Variants in ARL15 observed in about 807,000 individuals in gnomAD.
ARL15 encodes ADP-ribosylation factor-like protein 15.
A neutral mutation model predicts 25.2 loss-of-function variants in ARL15; 19 were observed. The ratio of observed to expected loss-of-function variants is 0.75; its 90% confidence interval spans 0.53 to 1.10. ARL15 has a LOEUF of 1.10. Ranked by LOEUF, ARL15 falls within the 50% of genes least tolerant of loss-of-function variation. The probability of loss-of-function intolerance (pLI) is 0.00; values close to 1 mark genes in which losing one functional copy is unlikely to be tolerated. For synonymous variants in ARL15, 94 were observed against 86.8 expected, an observed-to-expected ratio of 1.08 and a Z score of -0.46; for missense variants, 220 against 246.0, an observed-to-expected ratio of 0.89 and a Z score of 0.71.
intron 1 of ARL15, among the ~76,000 whole-genome samples, chr5:54,289,060 T>C (rs1385584114): frequency 6.6e-6 from 1 of 152,190 alleles, no homozygotes; most frequent in East Asian, 1.9e-4. Flanking sequence ...GCCCAGGCAT[T>C]GTAACTCCCT....
At chr5:54,195,768 T>C (rs551059264) in intron 1 of ARL15, among the ~76,000 whole-genome samples, 5 of 152,278 alleles carry the variant, frequency 3.3e-5, no homozygotes, top group African/African-American at 1.2e-4. Context: ...AATCATAGTA[T>C]GCATACAGTT....
intron 4 of ARL15, among the ~76,000 whole-genome samples, chr5:53,988,878 G>T (rs536724993): frequency 2.7e-4 from 41 of 152,258 alleles, no homozygotes; most frequent in African/African-American, 9.6e-4. Context: ...CTGAAAAGCT[G>T]CAATCAGCTG....
chr5:54,198,342 G>C (rs1409416553), intron 1 of ARL15, among the ~76,000 whole-genome samples: 1 of 152,198 alleles, frequency 6.6e-6, no homozygotes, highest in Non-Finnish European at 1.5e-5. Flanking sequence ...ATTAGGAAAA[G>C]AGGAAGTCAA....
intron 1 of ARL15, among the ~76,000 whole-genome samples, chr5:54,198,358 C>T (rs1400622693): frequency 6.6e-6 from 1 of 152,150 alleles, no homozygotes; most frequent in Non-Finnish European, 1.5e-5. Flanking sequence ...GTCAAATTGT[C>T]CCTGTTTGCA....
At chr5:54,245,648 C>T (rs975302705) in intron 1 of ARL15, among the ~76,000 whole-genome samples, 1 of 152,076 alleles carries the variant, frequency 6.6e-6, no homozygotes, top group African/African-American at 2.4e-5. Flanking sequence ...AGTGCACTGG[C>T]GCGATCTTGG....
chr5:53,959,107 T>C lies in ARL15; in HGVS notation c.463-72394A>G, dbSNP rs544044044. Among the ~76,000 whole-genome samples, 5 of 152,292 alleles carry C rather than the reference T, an allele frequency of 3.3e-5. No individual in the cohort carries two copies. In the East Asian group the frequency reaches 5.8e-4, roughly 18 times the overall value. ...ACTCCAGCCAGTAACAGAATACACC[T>C]TCTTCTCAAGTGCATGTGGCACATT... On this transcript the variant is annotated intron_variant, in intron 4 of 4. Transcript: ENST00000504924.
intron 4 of ARL15, among the ~76,000 whole-genome samples, chr5:54,029,274 T>C (rs1196276860): frequency 1.3e-5 from 2 of 151,340 alleles, no homozygotes; most frequent in East Asian, 3.9e-4. Flanking sequence ...CCTCTCACAA[T>C]GTCTGGAAAA....
chr5:54,158,691 G>C (rs1423801143), intron 2 of ARL15, among the ~76,000 whole-genome samples: 3 of 152,110 alleles, frequency 2.0e-5, no homozygotes, highest in African/African-American at 7.2e-5. Flanking sequence ...TGGCCAAGAT[G>C]GTGAAACCCC....
chr5:54,135,689 C>A (rs1253438084), intron 3 of ARL15, among the ~76,000 whole-genome samples: 2 of 152,156 alleles, frequency 1.3e-5, no homozygotes, highest in Non-Finnish European at 2.9e-5. Context: ...CCTCACCATG[C>A]AAGTACTCAG....
chr5:54,005,848 C>G (rs1228366049), intron 4 of ARL15, among the ~76,000 whole-genome samples: 1 of 146,252 alleles, frequency 6.8e-6, no homozygotes, highest in Non-Finnish European at 1.5e-5. Flanking sequence ...GGTGACAGAG[C>G]GAGACTCCAT....
intron 4 of ARL15, among the ~76,000 whole-genome samples, chr5:54,004,322 G>A (rs1031013930): frequency 6.6e-6 from 1 of 151,858 alleles, no homozygotes; most frequent in Non-Finnish European, 1.5e-5. Flanking sequence ...GTGAAACCCC[G>A]TCTCTATTAA....
intron 4 of ARL15, among the ~76,000 whole-genome samples, chr5:54,037,454 T>C (rs1750205148): frequency 6.6e-6 from 1 of 152,064 alleles, no homozygotes; most frequent in Non-Finnish European, 1.5e-5. Flanking sequence ...AAAGTAATCA[T>C]TTATTTTTTA....
chr5:54,132,049 C>T (rs1324355976), intron 3 of ARL15, among the ~76,000 whole-genome samples: 1 of 151,940 alleles, frequency 6.6e-6, no homozygotes, highest in African/African-American at 2.4e-5. Flanking sequence ...AACATGGTTC[C>T]ATAAGGTGAT....
At chr5:54,191,000 T>C (rs1755381978) in intron 1 of ARL15, among the ~76,000 whole-genome samples, 1 of 152,212 alleles carries the variant, frequency 6.6e-6, no homozygotes, top group Admixed American at 6.5e-5. Flanking sequence ...AAGAGTTGTT[T>C]GTACACTCAT....
chr5:54,095,841 A>G (rs894301275), intron 4 of ARL15, among the ~76,000 whole-genome samples: 4 of 152,174 alleles, frequency 2.6e-5, no homozygotes, highest in African/African-American at 9.7e-5. Flanking sequence ...AAAGAGAAAA[A>G]AACTTGAATC....
chr5:53,895,301 C>T (rs1671376009), intron 4 of ARL15, among the ~76,000 whole-genome samples: 1 of 152,186 alleles, frequency 6.6e-6, no homozygotes, highest in Non-Finnish European at 1.5e-5. Context: ...GGCTGGGCTC[C>T]AGTTACGACT....
chr5:53,949,585 G>A (rs1449602216), intron 4 of ARL15, among the ~76,000 whole-genome samples: 1 of 152,118 alleles, frequency 6.6e-6, no homozygotes, highest in Non-Finnish European at 1.5e-5. Context: ...GAATTAATGG[G>A]CTTGCTCATA....
At chr5:54,272,306 T>A (rs1757810118) in intron 1 of ARL15, among the ~76,000 whole-genome samples, 1 of 151,878 alleles carries the variant, frequency 6.6e-6, no homozygotes, top group South Asian at 2.1e-4. Flanking sequence ...GTAAACCACA[T>A]CCTTGGCAGT....
chr5:53,978,461 C>G (rs938992862), intron 4 of ARL15, among the ~76,000 whole-genome samples: 1 of 151,626 alleles, frequency 6.6e-6, no homozygotes, highest in Non-Finnish European at 1.5e-5. Context: ...TATCTACTCC[C>G]GGAGTCATCC....
Sources: allele counts gnomAD v4.1 joint callset (sites outside exome capture counted in the v4.1 genomes callset), GRCh38; gene constraint gnomAD v4.1.1; transcripts MANE v1.5; gene names NCBI Gene and HGNC (gene_info 2026-07-23, HGNC 2026-07-21).